EHMT1: variants seen among roughly 807,000 people sequenced by gnomAD.
EHMT1 encodes histone-lysine N-methyltransferase EHMT1.
Under a neutral mutation model 147.2 loss-of-function variants are expected in EHMT1, and 15 were observed. The observed-to-expected ratio is 0.10, with a 90% CI of 0.07 to 0.16. The LOEUF is 0.16. Among genes scored for constraint, EHMT1 ranks in the 10% least tolerant of loss-of-function variants. EHMT1 has a pLI of 1.00. For missense variants in EHMT1, 1,587 were observed against 1,772.4 expected (o/e 0.90, Z 1.88); for synonymous variants, 795 against 709.6 (o/e 1.12, Z -1.91).
intron 1 of EHMT1, among the ~76,000 whole-genome samples, chr9:137,708,082 A>C (rs1178079286): frequency 6.6e-6 from 1 of 152,246 alleles, no homozygotes; most frequent in African/African-American, 2.4e-5. Context: ...AAAAGTAAAC[A>C]TGTAACATTT....
At chr9:137,664,185 G>A (rs1243547547) in intron 1 of EHMT1, among the ~76,000 whole-genome samples, 1 of 152,022 alleles carries the variant, frequency 6.6e-6, no homozygotes, top group Non-Finnish European at 1.5e-5. Context: ...GACTACAGGT[G>A]CATGCCACTG....
chr9:137,696,761 A>G (rs1338781780), intron 1 of EHMT1, among the ~76,000 whole-genome samples: 3 of 152,136 alleles, frequency 2.0e-5, no homozygotes, highest in Non-Finnish European at 4.4e-5. Context: ...AAGCTCGGGT[A>G]GGTAATATGT....
chr9:137,675,779 A>ATTTT (rs781380107), intron 1 of EHMT1, among the ~76,000 whole-genome samples: 2 of 95,778 alleles, frequency 2.1e-5, no homozygotes, highest in Non-Finnish European at 4.0e-5. Context: ...CGCCCGGCTA[A>ATTTT]TTTTTTTTTT....
At chr9:137,649,307 A>G (rs918035947) in intron 1 of EHMT1, among the ~76,000 whole-genome samples, 1 of 152,042 alleles carries the variant, frequency 6.6e-6, no homozygotes, top group African/African-American at 2.4e-5. Flanking sequence ...TAAAAATATA[A>G]AAATTAGTCG....
intron 1 of EHMT1, among the ~76,000 whole-genome samples, chr9:137,684,873 T>C (rs1428500115): frequency 1.3e-5 from 2 of 152,230 alleles, no homozygotes; most frequent in African/African-American, 2.4e-5. Flanking sequence ...ATATATGTGG[T>C]ATTTTGCTAT....
At chr9:137,707,050 C>G (rs539874047) in intron 1 of EHMT1, among the ~76,000 whole-genome samples, 1 of 152,356 alleles carries the variant, frequency 6.6e-6, no homozygotes, top group African/African-American at 2.4e-5. Flanking sequence ...GTCTCCAACT[C>G]CTGACCTCAG....
intron 17 of EHMT1, among the ~76,000 whole-genome samples, chr9:137,800,020 A>T (rs1390001702): frequency 1.3e-5 from 2 of 152,210 alleles, no homozygotes; most frequent in African/African-American, 4.8e-5. Flanking sequence ...ATGTAGCTTT[A>T]ATCATGAAGG....
chr9:137,754,049 C>T lies in EHMT1; in HGVS notation c.1249-122C>T, dbSNP rs536913824. On this transcript the variant is annotated intron_variant, in intron 7 of 26. Transcript: ENST00000460843. ...CAAAATGTCTACAAGTTAAGTTCACCGTTTAATTGAAGATCAAGACATAGC... is the reference window on the plus strand; with the variant it reads ...CAAAATGTCTACAAGTTAAGTTCACTGTTTAATTGAAGATCAAGACATAGC... 325 of 1,516,344 alleles carry T rather than the reference C, an allele frequency of 2.1e-4. 3 individuals are homozygous for T. Among genetic ancestry groups the T allele is most frequent in the Middle Eastern group, 2.0e-3 (12 of 5,864 alleles). 93.9% of individuals were successfully genotyped at this position (1,516,344 alleles called of 1,614,324 possible). A position where few individuals can be genotyped will look rare whatever the true frequency, so the allele number is the denominator to read the frequency against.
intron 24 of EHMT1, 57 bp downstream of exon 24, chr9:137,817,582 T>G: frequency 6.2e-7 from 1 of 1,603,518 alleles, no homozygotes; most frequent in South Asian, 1.1e-5. Flanking sequence ...CGGAGGCCCA[T>G]CTGTGTCTGT....
intron 25 of EHMT1, among the ~76,000 whole-genome samples, chr9:137,820,522 T>A (rs193091102): frequency 5.9e-5 from 9 of 152,372 alleles, no homozygotes; most frequent in Admixed American, 4.6e-4. Context: ...TTTATCAGTC[T>A]TTTTCTAAAT....
chr9:137,636,343 A>G (rs947108151), intron 1 of EHMT1, among the ~76,000 whole-genome samples: 1 of 152,126 alleles, frequency 6.6e-6, no homozygotes, highest in African/African-American at 2.4e-5. Flanking sequence ...TATATATAGG[A>G]TTATGTCATT....
chr9:137,831,046 C>T (rs1956153275), intron 25 of EHMT1, among the ~76,000 whole-genome samples: 1 of 152,146 alleles, frequency 6.6e-6, no homozygotes, highest in South Asian at 2.1e-4. Flanking sequence ...AGTGCCTTCT[C>T]ACTGTGTCCC....
intron 6 of EHMT1, chr9:137,748,007 C>T (rs1294584335): frequency 2.0e-5 from 3 of 151,992 alleles, no homozygotes; most frequent in Non-Finnish European, 4.4e-5. Context: ...TTATTTTACT[C>T]AACGTTGTGT....
At chr9:137,711,451 T>A (rs1055835497) in intron 2 of EHMT1, among the ~76,000 whole-genome samples, 1 of 152,114 alleles carries the variant, frequency 6.6e-6, no homozygotes, top group Non-Finnish European at 1.5e-5. Context: ...GCACACAGCA[T>A]GACTGACGCC....
rs577130746 is a variant in EHMT1, at chr9:137,750,787, G to A, written c.1171-1544G>A. ...AGGGGGCGCGGCTGCCGGAGGGGACGCTTACTCAGGAGCGCTGAGGCGGTT... is the reference window on the plus strand; with the variant it reads ...AGGGGGCGCGGCTGCCGGAGGGGACACTTACTCAGGAGCGCTGAGGCGGTT... On this transcript the variant is annotated intron_variant, in intron 6 of 26. Coordinates refer to ENST00000460843, the MANE Select transcript of EHMT1 (RefSeq NM_024757.5). Among the ~76,000 whole-genome samples, 5 of 152,344 alleles carry A rather than the reference G, an allele frequency of 3.3e-5. No individual in the cohort carries two copies. The South Asian group carries it at 8.3e-4, about 25-fold the overall frequency.
At chr9:137,707,662 T>C (rs1301557496) in intron 1 of EHMT1, among the ~76,000 whole-genome samples, 1 of 152,252 alleles carries the variant, frequency 6.6e-6, no homozygotes, top group African/African-American at 2.4e-5. Flanking sequence ...GGTAGTGTGT[T>C]ACATAGCATT....
intron 1 of EHMT1, among the ~76,000 whole-genome samples, chr9:137,708,915 T>C (rs1944464754): frequency 6.6e-6 from 1 of 152,236 alleles, no homozygotes; most frequent in South Asian, 2.1e-4. Context: ...ACGCAGCCAC[T>C]GTGCCTGGCC....
At chr9:137,670,806 G>A (rs752792507) in intron 1 of EHMT1, among the ~76,000 whole-genome samples, 1 of 152,176 alleles carries the variant, frequency 6.6e-6, no homozygotes, top group Admixed American at 6.5e-5. Context: ...CTGTGTCCAG[G>A]GGAAGGAGAA....
At chr9:137,733,608 G>C (rs1167371125) in intron 4 of EHMT1, among the ~76,000 whole-genome samples, 1 of 152,228 alleles carries the variant, frequency 6.6e-6, no homozygotes, top group African/African-American at 2.4e-5. Context: ...TCCTGGAACA[G>C]TGTGCGTGCA....
Sources: gnomAD v4.1 joint callset for allele counts (sites outside exome capture counted in the v4.1 genomes callset) on GRCh38, gnomAD v4.1.1 for gene constraint, MANE v1.5 for transcripts, NCBI Gene and HGNC (gene_info 2026-07-23, HGNC 2026-07-21) for gene names.